ADAMTS20: variants seen among roughly 807,000 people sequenced by gnomAD.
The protein encoded by ADAMTS20 is ADAM metallopeptidase with thrombospondin type 1 motif 20.
ADAMTS20 carries 225 observed loss-of-function variants against 260.1 expected under a neutral mutation model. The observed-to-expected ratio is 0.87, with a 90% confidence interval of 0.78 to 0.97. The LOEUF (loss-of-function observed/expected upper bound fraction) is 0.97, where lower values mean the gene tolerates loss of function less well. Among genes scored for constraint, ADAMTS20 ranks in the 50% least tolerant of loss-of-function variants. ADAMTS20 has a pLI of 0.00. For synonymous variants in ADAMTS20, 802 were observed against 769.5 expected, an observed-to-expected ratio of 1.04 and a Z score of -0.70; for missense variants, 2,400 against 2,337.7, an observed-to-expected ratio of 1.03 and a Z score of -0.55.
chr12:43,436,388 AG>A (rs1457869355), intron 18 of ADAMTS20, among the ~76,000 whole-genome samples: 3 of 152,214 alleles, frequency 2.0e-5, no homozygotes. Context: ...CAATGAAAAC[AG>A]AATGTGAACC....
chr12:43,433,711 C>G (rs1020073811), intron 19 of ADAMTS20: 1 of 83,566 alleles, frequency 1.2e-5, no homozygotes, highest in African/African-American at 7.4e-5. Context: ...CAAACACACA[C>G]ACACACACAC....
chr12:43,521,934 G>C (rs993670447), intron 3 of ADAMTS20, among the ~76,000 whole-genome samples: 1 of 151,872 alleles, frequency 6.6e-6, no homozygotes, highest in African/African-American at 2.4e-5. Context: ...ATCTTTATAC[G>C]TTCTGTAACA....
intron 3 of ADAMTS20, among the ~76,000 whole-genome samples, chr12:43,528,370 A>AAAAAAAAAAAAAAC (rs1943174421): frequency 6.7e-6 from 1 of 149,136 alleles, no homozygotes; most frequent in African/African-American, 2.5e-5. Flanking sequence ...AAAAAAAAAA[A>AAAAAAAAAAAAAAC]AAAACACAAA....
At position 43,454,040 on chromosome 12, in the gene ADAMTS20, C is replaced by G; in HGVS notation, c.1627G>C (p.Gly543Arg). 1 of 1,612,662 alleles carries G rather than the reference C, an allele frequency of 6.2e-7. No individual in the cohort carries two copies. The highest frequency in any genetic ancestry group is 8.5e-7 in the Non-Finnish European group (1 of 1,179,480). The change falls in exon 12 of 39, where the codon GGG (glycine) becomes CGG (arginine). Residue 543 changes from glycine to arginine, a missense_variant. Transcript: ENST00000389420. ...TCCGTTTCTTTGTTTACACATAGCC[C>G]ATGACGGCAATGCTATAAAAATAAT... is the stretch of plus-strand genomic sequence containing the variant. ...DCGPGMHCRH[G>R]LCVNKETETR...
intron 7 of ADAMTS20, among the ~76,000 whole-genome samples, chr12:43,469,060 T>C (rs1338102294): frequency 6.6e-6 from 1 of 152,098 alleles, no homozygotes; most frequent in Non-Finnish European, 1.5e-5. Flanking sequence ...ATTAAATGTG[T>C]TGATTGGTAA....
At position 43,377,509 on chromosome 12, in the gene ADAMTS20, C is replaced by CTCGG; in HGVS notation, c.4847_4850dup (p.Glu1617AspfsTer7). On this transcript the variant is annotated frameshift_variant, in exon 32 of 39. Transcript: ENST00000389420. LOFTEE classifies it high-confidence loss of function. The stretch of plus-strand genomic sequence containing the variant: ...GCTTATGTTTCTTAGTAGATGGGAT[C>CTCGG]TCGGTGCAATATGTAATCCTTTGTC... The CTCGG allele has an allele frequency of 6.2e-7, 1 of 1,613,670 alleles. No individual in the cohort carries two copies. The highest frequency in any genetic ancestry group is 8.5e-7 in the Non-Finnish European group (1 of 1,179,688).
intron 28 of ADAMTS20, among the ~76,000 whole-genome samples, chr12:43,415,421 A>C (rs933337123): frequency 1.3e-5 from 2 of 152,246 alleles, no homozygotes; most frequent in South Asian, 4.1e-4. Flanking sequence ...AACTTTCTCA[A>C]GTAGACTTGT....
intron 27 of ADAMTS20, 50 bp from the exon 28 acceptor site, chr12:43,425,740 T>C: frequency 7.9e-7 from 1 of 1,267,364 alleles, no homozygotes; most frequent in Non-Finnish European, 1.1e-6. Context: ...AAGAGAATAA[T>C]GTATTGCTTC....
intron 29 of ADAMTS20, among the ~76,000 whole-genome samples, chr12:43,394,938 G>A (rs1421688250): frequency 1.3e-5 from 2 of 152,060 alleles, no homozygotes; most frequent in Non-Finnish European, 2.9e-5. Context: ...ATCAGGAAGT[G>A]ACTGTCCCTT....
At chr12:43,444,237 G>C (rs1346144068) in intron 15 of ADAMTS20, among the ~76,000 whole-genome samples, 1 of 151,354 alleles carries the variant, frequency 6.6e-6, no homozygotes, top group East Asian at 1.9e-4. Flanking sequence ...TTTTATACTG[G>C]GAAAAAAATA....
intron 31 of ADAMTS20, among the ~76,000 whole-genome samples, chr12:43,380,404 C>A (rs946749808): frequency 6.6e-6 from 1 of 152,074 alleles, no homozygotes; most frequent in African/African-American, 2.4e-5. Context: ...TTTACCACTT[C>A]TATTTAACAT....
In ADAMTS20 at chr12:43,491,002, A is replaced by G. The variant is rs141739646; in HGVS notation, c.1077-567T>C. Among the ~76,000 whole-genome samples, 78 of 152,192 alleles carry G rather than the reference A, an allele frequency of 5.1e-4. 2 individuals carry two copies. Among genetic ancestry groups the G allele is most frequent in the African/African-American group, 1.7e-3 (72 of 41,542 alleles). ...TCCAAGGAAGAACCATGGACTATAT[A>G]TAACATAATACTATGTATAAAATTA... On this transcript the variant is annotated intron_variant, in intron 6 of 38. Coordinates refer to ENST00000389420, the MANE Select transcript of ADAMTS20 (RefSeq NM_025003.5).
chr12:43,377,311 C>T (rs2137214104), intron 32 of ADAMTS20, 54 bp downstream of exon 32: 4 of 1,471,024 alleles, frequency 2.7e-6, no homozygotes, highest in Non-Finnish European at 2.7e-6. Context: ...ACCAGATTTC[C>T]CACACCTAGA....
chr12:43,408,779 T>A (rs972942718), intron 28 of ADAMTS20, among the ~76,000 whole-genome samples: 1 of 152,236 alleles, frequency 6.6e-6, no homozygotes, highest in African/African-American at 2.4e-5. Flanking sequence ...AAATTAACTA[T>A]TTGTATCAAT....
intron 32 of ADAMTS20, 106 bp downstream of exon 32, chr12:43,377,259 C>T (rs1940249737): frequency 1.0e-6 from 1 of 962,546 alleles, no homozygotes; most frequent in African/African-American, 1.7e-5. Context: ...AAATAGTGGT[C>T]TGAGGCAACT....
intron 37 of ADAMTS20, among the ~76,000 whole-genome samples, chr12:43,360,631 T>C (rs1013265640): frequency 6.6e-6 from 1 of 152,104 alleles, no homozygotes; most frequent in Non-Finnish European, 1.5e-5. Context: ...ATAAATATTA[T>C]GTATCAAATC....
At chr12:43,432,181 A>G in intron 21 of ADAMTS20, 123 bp downstream of exon 21, 1 of 1,127,354 alleles carries the variant, frequency 8.9e-7, no homozygotes, top group South Asian at 1.7e-5. Flanking sequence ...GACAGCTTTG[A>G]TAATAGTTAT....
chr12:43,490,298 A>G, intron 7 of ADAMTS20, 97 bp downstream of exon 7: 1 of 625,962 alleles, frequency 1.6e-6, no homozygotes, highest in East Asian at 3.7e-5. Flanking sequence ...AATCAAAATT[A>G]CTAAAATGTA....
At chr12:43,432,923 C>A (rs1433931255) in intron 19 of ADAMTS20, 112 bp from the exon 20 acceptor site, 1 of 941,476 alleles carries the variant, frequency 1.1e-6, no homozygotes, top group Non-Finnish European at 1.6e-6. Flanking sequence ...AGACAAACCA[C>A]CAAAAAACAA....
Sources: allele counts gnomAD v4.1 joint callset (sites outside exome capture counted in the v4.1 genomes callset), GRCh38; gene constraint gnomAD v4.1.1; transcripts MANE v1.5; gene names NCBI Gene and HGNC (gene_info 2026-07-23, HGNC 2026-07-21).